Variants in MYH14 observed in about 807,000 individuals in gnomAD.
MYH14 encodes the protein myosin heavy chain 14, also known as myosin-14.
A neutral mutation model predicts 255.5 loss-of-function variants in MYH14; 123 were observed. The ratio of observed to expected loss-of-function variants is 0.48; its 90% CI spans 0.42 to 0.56. The LOEUF (loss-of-function observed/expected upper bound fraction) is 0.56, where lower values mean the gene tolerates loss of function less well. Among genes scored for constraint, MYH14 ranks in the 20% least tolerant of loss-of-function variants. MYH14 has a pLI of 0.00. For synonymous variants in MYH14, 1,095 were observed against 1,161.2 expected (o/e 0.94, Z 1.16); for missense variants, 2,423 against 2,802.3 (o/e 0.86, Z 3.06).
chr19:50,296,235 G>A (rs995579539), intron 39 of MYH14, among the ~76,000 whole-genome samples: 1 of 152,174 alleles, frequency 6.6e-6, no homozygotes, highest in Non-Finnish European at 1.5e-5. Flanking sequence ...CACCCAAAAG[G>A]CCTAGAAACA....
At chr19:50,237,473 G>A (rs2033709920) in intron 10 of MYH14, among the ~76,000 whole-genome samples, 1 of 152,056 alleles carries the variant, frequency 6.6e-6, no homozygotes, top group Non-Finnish European at 1.5e-5. Context: ...TTACAGGCAT[G>A]TGCCACCACA....
At chr19:50,281,907 G>A in intron 33 of MYH14, 65 bp downstream of exon 33, 8 of 1,543,478 alleles carry the variant, frequency 5.2e-6, no homozygotes, top group Middle Eastern at 3.4e-4. Context: ...CATGGTCGTT[G>A]TGAGGAACCA....
Position 50,303,443 on chromosome 19 carries a change from A to G in MYH14, c.5678+1574A>G, listed in dbSNP as rs144191986. 1.2e-3 allele frequency among the ~76,000 whole-genome samples: 181 copies of G among 152,288 alleles called. 2 individuals are homozygous for G. Among genetic ancestry groups the G allele is most frequent in the African/African-American group, 4.0e-3 (166 of 41,548 alleles). ...AAGGGAAAGTGCTAAAGACTCCTTGAGGCCTGCACTTGGAACTGGTACTGT... is the reference window on the plus strand; with the variant it reads ...AAGGGAAAGTGCTAAAGACTCCTTGGGGCCTGCACTTGGAACTGGTACTGT... On this transcript the variant is annotated intron_variant, in intron 40 of 42. Coordinates refer to ENST00000642316, the MANE Select transcript of MYH14 (RefSeq NM_001145809.2).
intron 13 of MYH14, 40 bp from the exon 14 acceptor site, chr19:50,249,610 C>T (rs1568497734): frequency 6.2e-7 from 1 of 1,609,498 alleles, no homozygotes; most frequent in Non-Finnish European, 8.5e-7. Flanking sequence ...GTCTCTGTCC[C>T]TCTCCATCCT....
chr19:50,249,383 C>T, intron 13 of MYH14: 1 of 622,380 alleles, frequency 1.6e-6, no homozygotes, highest in South Asian at 2.1e-5. Context: ...CCCCCTCTCT[C>T]TCTGGGTCTC....
At position 50,207,256 on chromosome 19, in the gene MYH14, AAAGAGAGAGAGAGACAGAGAG is replaced by A. The variant is rs1568458290; in HGVS notation, c.-3-3105_-3-3085del. 1.1e-3 allele frequency among the ~76,000 whole-genome samples: 153 copies of A among 135,716 alleles called. 3 individuals are homozygous for A. The East Asian group carries it at 0.025, about 22-fold the overall frequency. The allele number at this position is 135,716 out of a possible 152,430, so 89.0% of individuals were successfully genotyped here. A position where few individuals can be genotyped will look rare whatever the true frequency, so the allele number is the denominator to read the frequency against. ...AGAAAAAAGAGAGAGAGAGAGAGAG[AAAGAGAGAGAGAGACAGAGAG>A]AGAGAGAGAGAGAGAGAGAGAGAGA... On this transcript the variant is annotated intron_variant, in intron 1 of 42. Coordinates refer to ENST00000642316, the MANE Select transcript of MYH14 (RefSeq NM_001145809.2).
At chr19:50,259,668 C>T (rs922544349) in intron 19 of MYH14, among the ~76,000 whole-genome samples, 2 of 152,108 alleles carry the variant, frequency 1.3e-5, no homozygotes, top group Middle Eastern at 3.2e-3. Context: ...CACCTGAGGT[C>T]GGAAGTTCGA....
At chr19:50,271,293 A>T (rs544294117) in intron 24 of MYH14, 116 bp from the exon 25 acceptor site, 6 of 1,059,266 alleles carry the variant, frequency 5.7e-6, no homozygotes, top group Non-Finnish European at 8.2e-6. Flanking sequence ...GGGCATGGAC[A>T]TCTCTGAACC....
chr19:50,281,941 A>C, intron 33 of MYH14, 99 bp downstream of exon 33: 1 of 1,333,364 alleles, frequency 7.5e-7, no homozygotes, highest in East Asian at 2.4e-5. Context: ...TCACGGCTCA[A>C]CTAGGCAGTT....
In MYH14 at chr19:50,310,243, G is replaced by C. The variant is rs1472646722; in HGVS notation, c.*453G>C. 4.6e-6 allele frequency: 1 copy of C among 218,336 alleles called. No homozygotes were observed. Among genetic ancestry groups the C allele is most frequent in the African/African-American group, 2.4e-5 (1 of 42,002 alleles). 13.5% of individuals were successfully genotyped at this position (218,336 alleles called of 1,614,324 possible). A position where few individuals can be genotyped will look rare whatever the true frequency, so the allele number is the denominator to read the frequency against. On this transcript the variant is annotated 3_prime_UTR_variant, in exon 43 of 43. Transcript: ENST00000642316. ...CACCATCTTTCTTGGCCTCTCTGAG[G>C]GTCTCTCTGTGCATCTTTTTAGGAA... is the stretch of plus-strand genomic sequence containing the variant.
rs2035993400 is a variant in MYH14, at chr19:50,289,444, G to A, written c.4761G>A (p.Glu1587=). 3.7e-6 allele frequency: 6 copies of A among 1,607,856 alleles called. No homozygotes were observed. Among genetic ancestry groups the A allele is most frequent in the Non-Finnish European group, 5.1e-6 (6 of 1,177,596 alleles). ...SKDDVGKSVH[E]LERACRVAEQ... The stretch of plus-strand genomic sequence containing the variant: ...GCTACTCTCCCCACCAGGTGCATGA[G>A]CTGGAACGAGCCTGCCGGGTAGCAG... Residue 1587 remains glutamate, a synonymous_variant, in exon 35 of 43, where the codon GAG becomes GAA. Transcript: ENST00000642316.
Position 50,278,257 on chromosome 19 carries a change from G to A in MYH14, c.4000G>A (p.Ala1334Thr), listed in dbSNP as rs905008650. 1 of 1,579,870 alleles carries A rather than the reference G, an allele frequency of 6.3e-7. No individual in the cohort carries two copies. The highest frequency in any genetic ancestry group is 1.3e-5 in the African/African-American group (1 of 74,270). ...GRAGDGERAR[A>T]EAAEKLQRAQ... ...GGCTGGTGATGGGGAGAGGGCACGAGCGGAGGCTGCTGAGAAGCTGCAGCG... is the reference window on the plus strand; with the variant it reads ...GGCTGGTGATGGGGAGAGGGCACGAACGGAGGCTGCTGAGAAGCTGCAGCG... Residue 1334 changes from alanine to threonine, a missense_variant, in exon 30 of 43, where the codon GCG (alanine) becomes ACG (threonine). Ala to Thr is a moderately conservative substitution (Grantham distance 58, BLOSUM62 0). Coordinates refer to ENST00000642316, the MANE Select transcript of MYH14 (RefSeq NM_001145809.2).
Position 50,222,262 on chromosome 19 carries a change from C to T in MYH14, c.563-821C>T, listed in dbSNP as rs566982147. ...TTGGGAGGCCGAGGCCGGTGGATCA[C>T]GAGGTCAGGAGATCGAGACCATCCT... On this transcript the variant is annotated intron_variant, in intron 3 of 42. Coordinates refer to ENST00000642316, the MANE Select transcript of MYH14 (RefSeq NM_001145809.2). Among the ~76,000 whole-genome samples, 13 of 152,048 alleles carry T rather than the reference C, an allele frequency of 8.5e-5. No individual in the cohort carries two copies. The South Asian group carries it at 1.5e-3, about 17-fold the overall frequency.
intron 40 of MYH14, among the ~76,000 whole-genome samples, chr19:50,306,409 G>A (rs73060469): frequency 0.016 from 2,409 of 152,252 alleles, 30 homozygotes; most frequent in Non-Finnish European, 0.022. Flanking sequence ...AAGCAATCCC[G>A]ATTGCTAGAG....
At chr19:50,304,399 A>G (rs888901306) in intron 40 of MYH14, among the ~76,000 whole-genome samples, 2 of 152,188 alleles carry the variant, frequency 1.3e-5, no homozygotes, top group Non-Finnish European at 2.9e-5. Context: ...AGACCAACCT[A>G]GCCAACCTGA....
rs373716045 is a variant in MYH14, at chr19:50,293,601, C to T, written c.5383C>T (p.Arg1795Cys). The T allele has an allele frequency of 8.1e-6, 13 of 1,612,906 alleles. No individual in the cohort carries two copies. Among genetic ancestry groups the T allele is most frequent in the Admixed American group, 3.3e-5 (2 of 59,860 alleles). The change falls in exon 39 of 43, where the codon CGC (arginine) becomes TGC (cysteine). Residue 1795 changes from arginine (R) to cysteine (C), a missense_variant. Coordinates refer to ENST00000642316, the MANE Select transcript of MYH14 (RefSeq NM_001145809.2). This position sits in a 1 kb window ranked among gnomAD's most constrained non-coding sequence, Gnocchi z 4.1. The stretch of plus-strand genomic sequence containing the variant: ...GGAGGAGAAGCGTCAGCTGGAGGGG[C>T]GCCTGGGGCAGTTGGAGGAAGAGCT... ...ILEEKRQLEGRLGQLEEELEE... is the reference protein window; with the variant it reads ...ILEEKRQLEGCLGQLEEELEE...
At position 50,280,205 on chromosome 19, in the gene MYH14, G is replaced by A. The variant is rs750512302; in HGVS notation, c.4138-26G>A. The A allele has an allele frequency of 7.7e-6, 12 of 1,554,596 alleles. No homozygotes were observed. Among genetic ancestry groups the A allele is most frequent in the Non-Finnish European group, 2.6e-6 (3 of 1,148,920 alleles). On this transcript the variant is annotated intron_variant, in intron 31 of 42. Coordinates refer to ENST00000642316, the MANE Select transcript of MYH14 (RefSeq NM_001145809.2). This position sits in a 1 kb window ranked among gnomAD's most constrained non-coding sequence, Gnocchi z 4.8. ...CCTCCTTGTCCTCCCAGCCACACCTGACATTGCCGTCTCCTCCATCTACAG... is the reference window on the plus strand; with the variant it reads ...CCTCCTTGTCCTCCCAGCCACACCTAACATTGCCGTCTCCTCCATCTACAG...
At chr19:50,223,420 C>T in intron 5 of MYH14, 71 bp downstream of exon 5, 1 of 1,068,032 alleles carries the variant, frequency 9.4e-7, no homozygotes, top group African/African-American at 1.5e-5. Context: ...GGGCTTTCCC[C>T]ACAATTGTCT....
At position 50,307,197 on chromosome 19, in the gene MYH14, A is replaced by C. The variant is rs370650336; in HGVS notation, c.5787+40A>C. ...TCATTAGGGAGCAGTGGAGAGTGTG[A>C]CCACTGGCTGAGAAATTGCACAGGC... On this transcript the variant is annotated intron_variant, in intron 41 of 42. Coordinates refer to ENST00000642316, the MANE Select transcript of MYH14 (RefSeq NM_001145809.2). 12 of 1,286,244 alleles carry C rather than the reference A, an allele frequency of 9.3e-6. No individual in the cohort carries two copies. The African/African-American group carries it at 1.8e-4, about 19-fold the overall frequency. 79.7% of individuals were successfully genotyped at this position (1,286,244 alleles called of 1,614,324 possible).
Sources: gnomAD v4.1 joint callset for allele counts (sites outside exome capture counted in the v4.1 genomes callset) on GRCh38, gnomAD v4.1.1 for gene constraint, Gnocchi (gnomAD v3.1) non-coding constraint, MANE v1.5 for transcripts, NCBI Gene and HGNC (gene_info 2026-07-23, HGNC 2026-07-21) for gene names.